The following CD2AP variants were observed in gnomAD, a reference collection of about 807,000 sequenced individuals.
CD2AP encodes the protein CD2 associated protein.
CD2AP carries 46 observed loss-of-function variants against 85.1 expected under a neutral mutation model. That is an observed-to-expected ratio of 0.54 (90% confidence interval 0.43 to 0.69). The LOEUF is 0.69. Among genes scored for constraint, CD2AP ranks in the 30% least tolerant of loss-of-function variants. CD2AP has a pLI of 0.00. For missense variants in CD2AP, 769 were observed against 729.5 expected (o/e 1.05, Z -0.62); for synonymous variants, 255 against 252.9 (o/e 1.01, Z -0.08).
At chr6:47,480,973 T>C (rs942837356) in intron 1 of CD2AP, among the ~76,000 whole-genome samples, 1 of 152,212 alleles carries the variant, frequency 6.6e-6, no homozygotes, top group South Asian at 2.1e-4. Context: ...AGTAGACTTA[T>C]TTGAAGTTTA....
intron 2 of CD2AP, among the ~76,000 whole-genome samples, chr6:47,527,761 T>C (rs960750144): frequency 1.3e-5 from 2 of 152,184 alleles, no homozygotes; most frequent in Non-Finnish European, 2.9e-5. Context: ...CCAGAGAAAG[T>C]ACTAGATACT....
intron 4 of CD2AP, among the ~76,000 whole-genome samples, chr6:47,552,150 A>AT: frequency 6.6e-6 from 1 of 151,328 alleles, no homozygotes; most frequent in Non-Finnish European, 1.5e-5. Flanking sequence ...AAATTTTTTA[A>AT]TTTTTTTATT....
At chr6:47,520,057 AGTGTT>A (rs1430278101) in intron 2 of CD2AP, among the ~76,000 whole-genome samples, 1 of 152,168 alleles carries the variant, frequency 6.6e-6, no homozygotes, top group African/African-American at 2.4e-5. Flanking sequence ...GTGGAACTAA[AGTGTT>A]GTGTTTAGAA....
intron 1 of CD2AP, among the ~76,000 whole-genome samples, chr6:47,487,386 T>C (rs1419202818): frequency 1.3e-5 from 2 of 152,144 alleles, no homozygotes; most frequent in South Asian, 2.1e-4. Context: ...CTTCATAGTT[T>C]AAAACTTAAA....
At chr6:47,543,272 T>G (rs1054148353) in intron 3 of CD2AP, among the ~76,000 whole-genome samples, 1 of 151,742 alleles carries the variant, frequency 6.6e-6, no homozygotes, top group Non-Finnish European at 1.5e-5. Flanking sequence ...TGGATGAAAG[T>G]AAATTTCCTT....
At chr6:47,569,553 G>A (rs992193121) in intron 5 of CD2AP, among the ~76,000 whole-genome samples, 1 of 151,458 alleles carries the variant, frequency 6.6e-6, no homozygotes, top group African/African-American at 2.4e-5. Context: ...CTAGATGGAT[G>A]CATCACACAA....
At chr6:47,570,151 T>G (rs1768110728) in intron 5 of CD2AP, among the ~76,000 whole-genome samples, 1 of 152,186 alleles carries the variant, frequency 6.6e-6, no homozygotes, top group Non-Finnish European at 1.5e-5. Flanking sequence ...CTTTTTTTTT[T>G]TTAAGCTTTC....
intron 5 of CD2AP, among the ~76,000 whole-genome samples, 184 bp from the exon 6 acceptor site, chr6:47,573,880 A>C (rs1768226414): frequency 6.6e-6 from 1 of 152,170 alleles, no homozygotes; most frequent in Non-Finnish European, 1.5e-5. Context: ...GTTTTGCACA[A>C]TAAAAAAGTC....
rs144969474 is a variant in CD2AP, at chr6:47,596,062, T to G, written c.1274+36T>G. 10,269 of 1,501,384 alleles carry G rather than the reference T, an allele frequency of 6.8e-3. 74 individuals carry two copies. Among genetic ancestry groups the G allele is most frequent in the South Asian group, 0.023 (2,017 of 88,864 alleles). 93.0% of individuals were successfully genotyped at this position (1,501,384 alleles called of 1,614,324 possible). A position where few individuals can be genotyped will look rare whatever the true frequency, so the allele number is the denominator to read the frequency against. On this transcript the variant is annotated intron_variant, in intron 12 of 17. Coordinates refer to ENST00000359314, the MANE Select transcript of CD2AP (RefSeq NM_012120.3). ...CCTAATTTTAAATTAGCTTACTGAT[T>G]TACTCACCTTTGACCTTAATGGCTC...
chr6:47,526,543 A>G (rs550617157), intron 2 of CD2AP, among the ~76,000 whole-genome samples: 27 of 152,154 alleles, frequency 1.8e-4, no homozygotes, highest in Non-Finnish European at 4.0e-4. Context: ...AGATATGATT[A>G]TGTCCCAGAG....
At chr6:47,540,014 C>A (rs1411937923) in intron 3 of CD2AP, among the ~76,000 whole-genome samples, 20 of 144,132 alleles carry the variant, frequency 1.4e-4, no homozygotes, top group Admixed American at 2.1e-4. Flanking sequence ...CCCATCTCTA[C>A]AAAAAAAAAA....
chr6:47,624,071 C>A, intron 17 of CD2AP, 115 bp from the exon 18 acceptor site: 1 of 862,256 alleles, frequency 1.2e-6, no homozygotes, highest in Non-Finnish European at 1.9e-6. Flanking sequence ...GATTTTAGGT[C>A]TGGAAAAAAA....
At chr6:47,566,220 TTC>T (rs1303313391) in intron 5 of CD2AP, among the ~76,000 whole-genome samples, 1 of 150,496 alleles carries the variant, frequency 6.6e-6, no homozygotes, top group Non-Finnish European at 1.5e-5. Flanking sequence ...TTTAATTCTC[TTC>T]TCTTTTTTTT....
intron 11 of CD2AP, among the ~76,000 whole-genome samples, chr6:47,593,106 G>A (rs1768846413): frequency 6.6e-6 from 1 of 152,240 alleles, no homozygotes; most frequent in African/African-American, 2.4e-5. Context: ...AGGACACTCA[G>A]CTGGTGCCAG....
At chr6:47,602,124 A>C (rs571346997) in intron 13 of CD2AP, among the ~76,000 whole-genome samples, 2 of 152,148 alleles carry the variant, frequency 1.3e-5, no homozygotes, top group South Asian at 2.1e-4. Context: ...TCTTATTTAT[A>C]AAGTCATATG....
intron 3 of CD2AP, among the ~76,000 whole-genome samples, chr6:47,538,708 G>T (rs992510509): frequency 7.2e-5 from 11 of 152,102 alleles, no homozygotes; most frequent in African/African-American, 2.4e-4. Flanking sequence ...TCTTATTGGG[G>T]TATGCTCTTA....
intron 2 of CD2AP, among the ~76,000 whole-genome samples, chr6:47,514,396 T>C (rs1016352653): frequency 7.2e-5 from 11 of 152,208 alleles, no homozygotes; most frequent in African/African-American, 2.7e-4. Flanking sequence ...TTAGCAGATA[T>C]TACTACATTC....
At chr6:47,612,637 C>CT in intron 17 of CD2AP, 101 bp downstream of exon 17, 2 of 775,944 alleles carry the variant, frequency 2.6e-6, no homozygotes, top group Non-Finnish European at 4.6e-6. Context: ...TTATGCTATA[C>CT]TACTTCAGTT....
intron 5 of CD2AP, among the ~76,000 whole-genome samples, chr6:47,557,195 G>GT (rs1767722595): frequency 7.0e-6 from 1 of 143,800 alleles, no homozygotes; most frequent in Non-Finnish European, 1.5e-5. Flanking sequence ...TTGTAAATAT[G>GT]TTTAAGTTCT....
Sources: gnomAD v4.1 joint callset for allele counts (sites outside exome capture counted in the v4.1 genomes callset) on GRCh38, gnomAD v4.1.1 for gene constraint, MANE v1.5 for transcripts, NCBI Gene and HGNC (gene_info 2026-07-23, HGNC 2026-07-21) for gene names.